The following SIGIRR variants were observed in gnomAD, a reference collection of about 807,000 sequenced individuals.
SIGIRR encodes the protein single Ig and TIR domain containing.
Under a neutral mutation model 45.6 loss-of-function variants are expected in SIGIRR, and 41 were observed. That is an observed-to-expected ratio of 0.90 (90% CI 0.70 to 1.17). The LOEUF (loss-of-function observed/expected upper bound fraction) is 1.17. Ranked by LOEUF, SIGIRR falls within the 50% of genes most tolerant of loss-of-function variation. The pLI is 0.00. For missense variants in SIGIRR, 599 were observed against 539.6 expected (o/e 1.11, Z -1.09); for synonymous variants, 298 against 239.0 (o/e 1.25, Z -2.28).
Position 407,707 on chromosome 11 carries a change from C to A in SIGIRR, c.481+110G>T, listed in dbSNP as rs1012242927. The A allele has an allele frequency of 9.6e-6, 15 of 1,566,992 alleles. No homozygotes were observed. In the African/African-American group the frequency reaches 1.8e-4, roughly 18 times the overall value. On this transcript the variant is annotated intron_variant, in intron 5 of 9. Transcript: ENST00000431843. ...TTAACCCCAGCCGGGCCGCACAGAG[C>A]ACCCGGGGGCTAACCCCTCCCCGCC...
In SIGIRR at chr11:408,213, A is replaced by G; in HGVS notation, c.207-7T>C. 6.2e-7 allele frequency: 1 copy of G among 1,612,190 alleles called. No individual in the cohort carries two copies. Among genetic ancestry groups the G allele is most frequent in the Non-Finnish European group, 8.5e-7 (1 of 1,179,820 alleles). ...TGACAGGTTGGCCTTGACCCTGGGG[A>G]TACCAAGCCAGGGTCAGGGTCGACT... On this transcript the variant is annotated splice_region_variant and splice_polypyrimidine_tract_variant and intron_variant, in intron 3 of 9. Coordinates refer to ENST00000431843, the MANE Select transcript of SIGIRR (RefSeq NM_001135054.2).
chr11:406,578 T>G, intron 8 of SIGIRR, 40 bp from the exon 9 acceptor site: 1 of 1,564,058 alleles, frequency 6.4e-7, no homozygotes, highest in Admixed American at 1.8e-5. Flanking sequence ...TGTGAACACC[T>G]CGGAAGCCCC....
chr11:408,767 G>A lies in SIGIRR; in HGVS notation c.134C>T (p.Pro45Leu). ...WVVSGPHCSL[P>L]SVQWLKDGLP... ...CCCGTCTTTCAGCCACTGGACTGAA[G>A]GCAGGGAGCAGTGGGGCCCAGAGAC... The change falls in exon 3 of 10, where the codon CCT (proline) becomes CTT (leucine). Residue 45 changes from proline to leucine, a missense_variant. Transcript: ENST00000431843. The A allele has an allele frequency of 1.2e-6, 2 of 1,612,820 alleles. No individual in the cohort carries two copies. The highest frequency in any genetic ancestry group is 2.7e-5 in the African/African-American group (2 of 75,058).
At chr11:406,811 T>C (rs1326811310) in intron 8 of SIGIRR, 32 bp downstream of exon 8, 6 of 1,488,486 alleles carry the variant, frequency 4.0e-6, no homozygotes, top group South Asian at 1.3e-5. Flanking sequence ...AACCCGCCGC[T>C]AGCCCCGGAC....
In SIGIRR at chr11:405,741, T is replaced by C. The variant is rs1847258792; in HGVS notation, c.*155A>G. The C allele has an allele frequency of 1.2e-6, 1 of 848,122 alleles. No homozygotes were observed. Among genetic ancestry groups the C allele is most frequent in the South Asian group, 2.0e-5 (1 of 48,900 alleles). The allele number at this position is 848,122 out of a possible 1,614,324, so 52.5% of individuals were successfully genotyped here. ...CAGAATCCAAAAGGACTTTATTTTC[T>C]GGCACTGGGAGGCGCCCTGAGGCCA... On this transcript the variant is annotated 3_prime_UTR_variant, in exon 10 of 10. Transcript: ENST00000431843.
intron 6 of SIGIRR, 49 bp downstream of exon 6, chr11:407,376 C>CG: frequency 1.7e-6 from 2 of 1,153,046 alleles, no homozygotes; most frequent in Non-Finnish European, 2.2e-6. Flanking sequence ...TGGGGCGGGG[C>CG]GGGGCGGGCC....
chr11:415,321 G>A (rs866019068), upstream of SIGIRR, among the ~76,000 whole-genome samples: 43 of 151,782 alleles, frequency 2.8e-4, no homozygotes, highest in Middle Eastern at 3.4e-3. The surrounding 1 kb of genome is among the most constrained non-coding windows in gnomAD (Gnocchi z 6.6). Context: ...GTGCGTGTGT[G>A]TTGTGGGGTG....
Position 405,760 on chromosome 11 carries a change from G to C in SIGIRR, c.*136C>G, listed in dbSNP as rs1315701056. 1 of 1,113,628 alleles carries C rather than the reference G, an allele frequency of 9.0e-7. No homozygotes were observed. The highest frequency in any genetic ancestry group is 2.6e-5 in the East Asian group (1 of 39,192). The allele number at this position is 1,113,628 out of a possible 1,614,324, so 69.0% of individuals were successfully genotyped here. On this transcript the variant is annotated 3_prime_UTR_variant, in exon 10 of 10. Transcript: ENST00000431843. ...ATTTTCTGGCACTGGGAGGCGCCCT[G>C]AGGCCACAGCCTTTTCCCAGGGCTG...
At position 414,926 on chromosome 11, in the gene SIGIRR, A is replaced by T; in HGVS notation, c.-257T>A. 1.0e-6 allele frequency: 1 copy of T among 965,664 alleles called. No individual in the cohort carries two copies. Among genetic ancestry groups the T allele is most frequent in the Non-Finnish European group, 1.2e-6 (1 of 811,852 alleles). The allele number at this position is 965,664 out of a possible 1,614,324, so 59.8% of individuals were successfully genotyped here. ...GCCCCAGGGAGTGTCCACAGCACCA[A>T]GGCTGCTATGGATGCATCGCCAAGC... On this transcript the variant is annotated 5_prime_UTR_variant, in exon 1 of 10. It adds an upstream start codon to the 5' untranslated region. Transcript: ENST00000431843.
upstream of SIGIRR, among the ~76,000 whole-genome samples, chr11:415,829 C>T (rs1390580618): frequency 1.3e-5 from 2 of 152,172 alleles, no homozygotes; most frequent in African/African-American, 4.8e-5. The surrounding 1 kb of genome is among the most constrained non-coding windows in gnomAD (Gnocchi z 6.6). Context: ...ACCCAGTGAC[C>T]GGTGGCTGGT....
chr11:407,470 C>T lies in SIGIRR; in HGVS notation c.580G>A (p.Gly194Ser), dbSNP rs765101666. 1.3e-6 allele frequency: 2 copies of T among 1,571,178 alleles called. No individual in the cohort carries two copies. The highest frequency in any genetic ancestry group is 1.7e-6 in the Non-Finnish European group (2 of 1,159,022). ...ILKPQLERRR[G>S]YKLFLDDRDL... ...CGGTCGTCCAGGAAGAGCTTGTAGCCCCGACGCCGCTCCAGCTGCGGCTTT... is the reference window on the plus strand; with the variant it reads ...CGGTCGTCCAGGAAGAGCTTGTAGCTCCGACGCCGCTCCAGCTGCGGCTTT... The change falls in exon 6 of 10, where the codon GGC (glycine) becomes AGC (serine). Residue 194 changes from glycine to serine, a missense_variant. Gly to Ser is a moderately conservative substitution (Grantham distance 56). Coordinates refer to ENST00000431843, the MANE Select transcript of SIGIRR (RefSeq NM_001135054.2).
At chr11:406,221 C>CAGGG in intron 9 of SIGIRR, 128 bp downstream of exon 9, 1 of 1,539,942 alleles carries the variant, frequency 6.5e-7, no homozygotes, top group Non-Finnish European at 8.7e-7. Context: ...AGAGGCCGTG[C>CAGGG]AGGGGCTCCC....
rs754703727 is a variant in SIGIRR at position 407,014 on chromosome 11, G to T, written c.729-21C>A. 13 of 1,588,202 alleles carry T rather than the reference G, an allele frequency of 8.2e-6. No individual in the cohort carries two copies. In the South Asian group the frequency reaches 1.1e-4, roughly 14 times the overall value. On this transcript the variant is annotated intron_variant, in intron 7 of 9. Coordinates refer to ENST00000431843, the MANE Select transcript of SIGIRR (RefSeq NM_001135054.2). ...CCTCCCTGCGGGGCGGGACCGTCAGGGGGGTGGGTGCTACGCTGGGGCCCA... is the reference window on the plus strand; with the variant it reads ...CCTCCCTGCGGGGCGGGACCGTCAGTGGGGTGGGTGCTACGCTGGGGCCCA...
At chr11:416,255 A>G (rs1407968533), upstream of SIGIRR, among the ~76,000 whole-genome samples, 1 of 151,968 alleles carries the variant, frequency 6.6e-6, no homozygotes, top group African/African-American at 2.4e-5. The surrounding 1 kb of genome is among the most constrained non-coding windows in gnomAD (Gnocchi z 9.1). Context: ...GTCAGCCGCC[A>G]ACTGTGAAGC....
intron 6 of SIGIRR, 100 bp downstream of exon 6, chr11:407,325 G>C (rs1398041485): frequency 4.6e-5 from 44 of 962,586 alleles, no homozygotes; most frequent in Non-Finnish European, 5.9e-5. Context: ...GATGGGGGCG[G>C]AGCTCGATGG....
At chr11:410,305 G>A (rs1847527555) in intron 1 of SIGIRR, among the ~76,000 whole-genome samples, 1 of 152,168 alleles carries the variant, frequency 6.6e-6, no homozygotes, top group East Asian at 1.9e-4. Flanking sequence ...GGGTGCAGTG[G>A]ACGAACACTA....
rs1323809681 is a variant in SIGIRR at position 407,577 on chromosome 11, G to A, written c.482-9C>T. The A allele has an allele frequency of 2.5e-6, 4 of 1,605,328 alleles. No homozygotes were observed. Among genetic ancestry groups the A allele is most frequent in the African/African-American group, 1.3e-5 (1 of 74,844 alleles). On this transcript the variant is annotated splice_polypyrimidine_tract_variant and intron_variant, in intron 5 of 9. Coordinates refer to ENST00000431843, the MANE Select transcript of SIGIRR (RefSeq NM_001135054.2). ...GTCGTAGAGCTTCCCGTCTGCGGAC[G>A]GCGGCCAGTCACCCCGATGGCTCCC...
chr11:411,753 G>A (rs376571184), intron 1 of SIGIRR, among the ~76,000 whole-genome samples: 113 of 92,978 alleles, frequency 1.2e-3, no homozygotes, highest in East Asian at 1.8e-3. Context: ...ATGTCTGGAT[G>A]CAGTCGGGGA....
chr11:414,392 C>T (rs541596438), intron 1 of SIGIRR, among the ~76,000 whole-genome samples: 1 of 149,978 alleles, frequency 6.7e-6, no homozygotes, highest in African/African-American at 2.5e-5. Context: ...ACTTCCCCTG[C>T]ACCCTCTCCT....
Sources: gnomAD v4.1 joint callset for allele counts (sites outside exome capture counted in the v4.1 genomes callset) on GRCh38, gnomAD v4.1.1 for gene constraint, Gnocchi (gnomAD v3.1) non-coding constraint, MANE v1.5 for transcripts, NCBI Gene and HGNC (gene_info 2026-07-23, HGNC 2026-07-21) for gene names.